Variants in ZMAT4 observed in about 807,000 individuals in gnomAD.
ZMAT4 encodes the protein zinc finger matrin-type 4, also known as zinc finger matrin-type protein 4.
In ZMAT4, 17 loss-of-function variants were observed where a neutral mutation model predicts 28.7. The ratio of observed to expected loss-of-function variants is 0.59; its 90% CI spans 0.41 to 0.89. ZMAT4 has a LOEUF of 0.89. Among genes scored for constraint, ZMAT4 ranks in the 40% least tolerant of loss-of-function variants. The pLI, the probability that ZMAT4 is intolerant of heterozygous loss-of-function variation, is 0.00. For synonymous variants in ZMAT4, 117 were observed against 109.2 expected, an observed-to-expected ratio of 1.07 and a Z score of -0.44; for missense variants, 240 against 283.8, an observed-to-expected ratio of 0.85 and a Z score of 1.11.
chr8:40,878,814 A>T (rs559201461), intron 1 of ZMAT4, among the ~76,000 whole-genome samples: 11 of 152,138 alleles, frequency 7.2e-5, no homozygotes, highest in Non-Finnish European at 1.6e-4. Context: ...CTCTGGGCCC[A>T]TCGTCTCTGC....
chr8:40,849,689 G>A (rs1183693757), intron 1 of ZMAT4, among the ~76,000 whole-genome samples: 1 of 152,208 alleles, frequency 6.6e-6, no homozygotes, highest in Non-Finnish European at 1.5e-5. Context: ...CAAGACGGGA[G>A]AGAGGGATCA....
intron 4 of ZMAT4, among the ~76,000 whole-genome samples, chr8:40,687,245 G>T (rs1402209175): frequency 1.3e-5 from 2 of 152,180 alleles, no homozygotes; most frequent in African/African-American, 2.4e-5. Flanking sequence ...CACATAGAAG[G>T]TGACAGAATT....
intron 3 of ZMAT4, among the ~76,000 whole-genome samples, chr8:40,704,740 T>G (rs1455716783): frequency 1.3e-5 from 2 of 152,248 alleles, no homozygotes; most frequent in African/African-American, 2.4e-5. Flanking sequence ...ATTTCTAATT[T>G]GGTCACTTAA....
chr8:40,885,393 C>T (rs922281779), intron 1 of ZMAT4, among the ~76,000 whole-genome samples: 3 of 152,166 alleles, frequency 2.0e-5, no homozygotes, highest in African/African-American at 4.8e-5. Context: ...TGTTACCATC[C>T]GACCCGAGCC....
chr8:40,602,168 T>A (rs1805420308), intron 5 of ZMAT4, among the ~76,000 whole-genome samples: 1 of 152,202 alleles, frequency 6.6e-6, no homozygotes, highest in Non-Finnish European at 1.5e-5. Flanking sequence ...TGCAATTCCA[T>A]CCAGGTTGCG....
intron 4 of ZMAT4, among the ~76,000 whole-genome samples, chr8:40,675,858 A>G (rs1165435712): frequency 6.6e-6 from 1 of 152,172 alleles, no homozygotes; most frequent in Non-Finnish European, 1.5e-5. Flanking sequence ...CAAAAGAAAA[A>G]TACTATAGAT....
At chr8:40,718,573 A>G (rs1340598028) in intron 3 of ZMAT4, among the ~76,000 whole-genome samples, 1 of 152,182 alleles carries the variant, frequency 6.6e-6, no homozygotes, top group Non-Finnish European at 1.5e-5. Flanking sequence ...AAGGTGGAGG[A>G]AAAACATAAA....
intron 3 of ZMAT4, among the ~76,000 whole-genome samples, chr8:40,730,191 T>G (rs1237361236): frequency 6.6e-6 from 1 of 152,196 alleles, no homozygotes; most frequent in African/African-American, 2.4e-5. Context: ...GTAAAATTTT[T>G]CCCAGTCCCT....
chr8:40,877,879 A>C (rs1053802290), intron 1 of ZMAT4, among the ~76,000 whole-genome samples: 61 of 152,158 alleles, frequency 4.0e-4, no homozygotes, highest in African/African-American at 1.2e-3. Flanking sequence ...AAAAGAAGCA[A>C]AACACCTGGG....
chr8:40,758,938 C>T (rs575084862), intron 3 of ZMAT4, among the ~76,000 whole-genome samples: 5 of 152,256 alleles, frequency 3.3e-5, no homozygotes, highest in African/African-American at 1.2e-4. Flanking sequence ...ACATGCATAA[C>T]GCTATTGCAA....
At chr8:40,774,169 T>C (rs1009045441) in intron 2 of ZMAT4, among the ~76,000 whole-genome samples, 2 of 152,094 alleles carry the variant, frequency 1.3e-5, no homozygotes, top group African/African-American at 4.8e-5. Context: ...ATCTTTGAGA[T>C]CAGAAGTGTC....
At chr8:40,624,121 T>C (rs1455101510) in intron 5 of ZMAT4, among the ~76,000 whole-genome samples, 1 of 152,216 alleles carries the variant, frequency 6.6e-6, no homozygotes, top group African/African-American at 2.4e-5. Flanking sequence ...CCAAAATTCA[T>C]ATGTTGAAGC....
At chr8:40,548,726 C>G (rs1416570715) in intron 6 of ZMAT4, among the ~76,000 whole-genome samples, 2 of 151,876 alleles carry the variant, frequency 1.3e-5, no homozygotes, top group African/African-American at 2.4e-5. Context: ...AGTCTTAAAA[C>G]AAAACAAAAC....
intron 1 of ZMAT4, among the ~76,000 whole-genome samples, chr8:40,876,185 C>A (rs922887690): frequency 6.6e-6 from 1 of 152,116 alleles, no homozygotes. Flanking sequence ...CTGTCCCTGC[C>A]CCTCCTGAGA....
At chr8:40,538,101 C>T (rs1338942009) in intron 6 of ZMAT4, among the ~76,000 whole-genome samples, 1 of 152,176 alleles carries the variant, frequency 6.6e-6, no homozygotes, top group Non-Finnish European at 1.5e-5. Flanking sequence ...GGACTTGCCT[C>T]ATTATACCTC....
At chr8:40,869,621 G>A (rs180979875) in intron 1 of ZMAT4, among the ~76,000 whole-genome samples, 21 of 152,290 alleles carry the variant, frequency 1.4e-4, no homozygotes, top group Admixed American at 1.0e-3. Context: ...ATTTTACCAC[G>A]TCCACCTGAG....
At chr8:40,545,043 C>T (rs555238822) in intron 6 of ZMAT4, among the ~76,000 whole-genome samples, 1 of 152,252 alleles carries the variant, frequency 6.6e-6, no homozygotes, top group Non-Finnish European at 1.5e-5. Flanking sequence ...TTACTGTGAT[C>T]ATTGTGAGTT....
At chr8:40,662,274 C>T (rs1254537598) in intron 5 of ZMAT4, among the ~76,000 whole-genome samples, 1 of 152,164 alleles carries the variant, frequency 6.6e-6, no homozygotes, top group African/African-American at 2.4e-5. Context: ...AGCCACCACA[C>T]CCGGCCCAGG....
chr8:40,782,243 G>T (rs533373326), intron 2 of ZMAT4, among the ~76,000 whole-genome samples: 2 of 152,144 alleles, frequency 1.3e-5, no homozygotes, highest in African/African-American at 4.8e-5. Context: ...AAAATTAGCT[G>T]GGCATGGTGG....
Sources: gnomAD v4.1 joint callset for allele counts (sites outside exome capture counted in the v4.1 genomes callset) on GRCh38, gnomAD v4.1.1 for gene constraint, MANE v1.5 for transcripts, NCBI Gene and HGNC (gene_info 2026-07-23, HGNC 2026-07-21) for gene names.